NKAIN3: variants seen among roughly 807,000 people sequenced by gnomAD.
NKAIN3 encodes the protein sodium/potassium transporting ATPase interacting 3.
A neutral mutation model predicts 30.2 loss-of-function variants in NKAIN3; 25 were observed. The ratio of observed to expected loss-of-function variants is 0.83; its 90% confidence interval spans 0.60 to 1.16. The LOEUF is 1.16. Ranked by LOEUF, NKAIN3 falls within the 50% of genes most tolerant of loss-of-function variation. NKAIN3 has a pLI of 0.00. For synonymous variants in NKAIN3, 91 were observed against 89.6 expected (o/e 1.02, Z -0.09); for missense variants, 225 against 254.1 (o/e 0.89, Z 0.78).
At chr8:62,321,778 G>A (rs1352205510) in intron 1 of NKAIN3, among the ~76,000 whole-genome samples, 1 of 152,172 alleles carries the variant, frequency 6.6e-6, no homozygotes, top group Non-Finnish European at 1.5e-5. Flanking sequence ...CAGGGATCAG[G>A]GACCCACTTG....
At chr8:62,720,898 T>A (rs1488733630) in intron 3 of NKAIN3, among the ~76,000 whole-genome samples, 3 of 151,980 alleles carry the variant, frequency 2.0e-5, no homozygotes, top group African/African-American at 7.3e-5. Context: ...TACTTTGGAG[T>A]TTTTGCAATT....
At chr8:62,988,191 C>T (rs1019964352), downstream of NKAIN3, among the ~76,000 whole-genome samples, 65 of 152,326 alleles carry the variant, frequency 4.3e-4, no homozygotes, top group African/African-American at 1.5e-3. Context: ...TTCCCAGCTG[C>T]TTTCATGGGC....
intron 3 of NKAIN3, among the ~76,000 whole-genome samples, chr8:62,631,697 A>G (rs1030695211): frequency 2.0e-5 from 3 of 152,162 alleles, no homozygotes; most frequent in African/African-American, 7.2e-5. Flanking sequence ...CATCTCCAGA[A>G]CAATCCTGCT....
chr8:62,839,546 G>A (rs1295797324), intron 4 of NKAIN3, among the ~76,000 whole-genome samples: 4 of 151,924 alleles, frequency 2.6e-5, no homozygotes, highest in Non-Finnish European at 5.9e-5. Flanking sequence ...ATCAGAAGTT[G>A]GTTTCAAACT....
intron 1 of NKAIN3, among the ~76,000 whole-genome samples, chr8:62,332,508 T>C (rs1815389433): frequency 6.6e-6 from 1 of 152,032 alleles, no homozygotes; most frequent in Non-Finnish European, 1.5e-5. Context: ...TGATGAAAAT[T>C]TCTGTATGCT....
chr8:62,757,880 CA>C (rs1286029417), intron 4 of NKAIN3, among the ~76,000 whole-genome samples: 1 of 152,100 alleles, frequency 6.6e-6, no homozygotes, highest in Non-Finnish European at 1.5e-5. Context: ...TGCAGTAAGT[CA>C]AATAAGGAAC....
At position 62,758,214 on chromosome 8, in the gene NKAIN3, G is replaced by A. The variant is rs113733718; in HGVS notation, c.471+11085G>A. ...AAAAAAAACTCACGGAAAACAAAGT[G>A]AGAGACTCTGCCAGATTAAAGGAGA... On this transcript the variant is annotated intron_variant, in intron 4 of 6. Coordinates refer to ENST00000623646, the MANE Select transcript of NKAIN3 (RefSeq NM_001304533.3). Among the ~76,000 whole-genome samples, 957 of 152,226 alleles carry A rather than the reference G, an allele frequency of 6.3e-3. 10 individuals carry two copies. The highest frequency in any genetic ancestry group is 0.031 in the South Asian group (150 of 4,826).
chr8:62,993,815 C>T (rs972898231), intron 5 of NKAIN3, among the ~76,000 whole-genome samples: 2 of 152,120 alleles, frequency 1.3e-5, no homozygotes, highest in Admixed American at 6.6e-5. Flanking sequence ...ATGAATGAGG[C>T]AGATAAGGGG....
chr8:62,280,074 T>G (rs1305255665), intron 1 of NKAIN3, among the ~76,000 whole-genome samples: 1 of 152,180 alleles, frequency 6.6e-6, no homozygotes, highest in Non-Finnish European at 1.5e-5. Context: ...TAGTTCCCCT[T>G]GAAGAGGTCC....
chr8:62,716,614 T>A (rs949183870), intron 3 of NKAIN3, among the ~76,000 whole-genome samples: 1 of 152,302 alleles, frequency 6.6e-6, no homozygotes, highest in African/African-American at 2.4e-5. Context: ...TGTTCTTTAT[T>A]TTTAAAGTAG....
intron 1 of NKAIN3, among the ~76,000 whole-genome samples, chr8:62,504,080 G>A (rs901489501): frequency 2.0e-5 from 3 of 152,136 alleles, no homozygotes; most frequent in South Asian, 2.1e-4. Flanking sequence ...CTCCATCCGG[G>A]GTCCCTGACT....
In NKAIN3 at chr8:62,839,673, T is replaced by G. The variant is rs746536212; in HGVS notation, c.472-78780T>G. Reference sequence around the variant, plus strand: ...ATCACAGTTCACTGTAACTGTGGGCTCCTGGGCTCAATAATCCTCCTGGAG... The same window carrying G: ...ATCACAGTTCACTGTAACTGTGGGCGCCTGGGCTCAATAATCCTCCTGGAG... On this transcript the variant is annotated intron_variant, in intron 4 of 6. Coordinates refer to ENST00000623646, the MANE Select transcript of NKAIN3 (RefSeq NM_001304533.3). Among the ~76,000 whole-genome samples, 91 of 152,222 alleles carry G rather than the reference T, an allele frequency of 6.0e-4. 1 individual carries two copies. Among genetic ancestry groups the G allele is most frequent in the Non-Finnish European group, 5.0e-4 (34 of 67,992 alleles).
intron 3 of NKAIN3, among the ~76,000 whole-genome samples, chr8:62,712,959 A>G (rs745931620): frequency 1.3e-5 from 2 of 152,194 alleles, no homozygotes; most frequent in Non-Finnish European, 2.9e-5. Context: ...CTCGGCTCCA[A>G]GTAAAGTCGG....
At chr8:62,458,805 G>A (rs1289824786) in intron 1 of NKAIN3, among the ~76,000 whole-genome samples, 1 of 152,170 alleles carries the variant, frequency 6.6e-6, no homozygotes, top group African/African-American at 2.4e-5. Flanking sequence ...TCTGCAGAAG[G>A]TATTGAGAGA....
intron 3 of NKAIN3, among the ~76,000 whole-genome samples, chr8:62,653,369 A>T (rs1812681400): frequency 6.6e-6 from 1 of 152,008 alleles, no homozygotes; most frequent in Non-Finnish European, 1.5e-5. Context: ...TACTGTCATG[A>T]TCTCATCTAA....
intron 1 of NKAIN3, among the ~76,000 whole-genome samples, chr8:62,436,831 C>A (rs1291005123): frequency 6.6e-6 from 1 of 152,082 alleles, no homozygotes; most frequent in African/African-American, 2.4e-5. Context: ...CTCAAAAGTA[C>A]TGGACTTCGC....
intron 4 of NKAIN3, among the ~76,000 whole-genome samples, chr8:62,783,388 C>T (rs1399540181): frequency 6.6e-6 from 1 of 152,084 alleles, no homozygotes; most frequent in East Asian, 1.9e-4. Context: ...CATGCTGGCA[C>T]TCTGATTTTA....
rs111647753 is a variant in NKAIN3, at chr8:62,419,719, T to A, written c.55-159820T>A. Among the ~76,000 whole-genome samples, 331 of 152,310 alleles carry A rather than the reference T, an allele frequency of 2.2e-3. 2 individuals carry two copies. The highest frequency in any genetic ancestry group is 7.0e-3 in the African/African-American group (290 of 41,580). On this transcript the variant is annotated intron_variant, in intron 1 of 6. Coordinates refer to ENST00000623646, the MANE Select transcript of NKAIN3 (RefSeq NM_001304533.3). ...TCCTGAGATAATCAAGAAGAAATGCTGGCTGCCATTCATAGGAAGAGTCTT... is the reference window on the plus strand; with the variant it reads ...TCCTGAGATAATCAAGAAGAAATGCAGGCTGCCATTCATAGGAAGAGTCTT...
At chr8:62,816,039 C>T (rs894641463) in intron 4 of NKAIN3, among the ~76,000 whole-genome samples, 1 of 152,094 alleles carries the variant, frequency 6.6e-6, no homozygotes, top group African/African-American at 2.4e-5. Context: ...CATAGATTTC[C>T]TTTTCTATTA....
Sources: allele counts gnomAD v4.1 joint callset (sites outside exome capture counted in the v4.1 genomes callset), GRCh38; gene constraint gnomAD v4.1.1; transcripts MANE v1.5; gene names NCBI Gene and HGNC (gene_info 2026-07-23, HGNC 2026-07-21).